The following ZNF213 variants were observed in gnomAD, a reference collection of about 807,000 sequenced individuals.
The protein encoded by ZNF213 is putative transcription factor CR53.
Under a neutral mutation model 46.0 loss-of-function variants are expected in ZNF213, and 32 were observed. The observed-to-expected ratio is 0.70, with a 90% CI of 0.52 to 0.93. The LOEUF (loss-of-function observed/expected upper bound fraction) is 0.93, where lower values mean the gene tolerates loss of function less well. ZNF213 is among the 40% of genes least tolerant of loss of function. The probability of loss-of-function intolerance (pLI) is 0.00; values close to 1 mark genes in which losing one functional copy is unlikely to be tolerated. For synonymous variants in ZNF213, 297 were observed against 271.0 expected, an observed-to-expected ratio of 1.10 and a Z score of -0.94; for missense variants, 639 against 652.8, an observed-to-expected ratio of 0.98 and a Z score of 0.23.
chr16:3,138,806 C>T lies in ZNF213; in HGVS notation c.585C>T (p.Val195=), dbSNP rs755016301. Residue 195 remains valine, a synonymous_variant, in exon 4 of 6, where the codon GTC becomes GTT. Coordinates refer to ENST00000396878, the MANE Select transcript of ZNF213 (RefSeq NM_004220.3). ...GAGAGACGACGGACACCTGCTTTGT[C>T]TCTGGGGTCCATGTGAGTCACCAGT... ...RPGETTDTCF[V]SGVHGPVALG... The T allele has an allele frequency of 6.2e-7, 1 of 1,614,082 alleles. No individual in the cohort carries two copies. Among genetic ancestry groups the T allele is most frequent in the Non-Finnish European group, 8.5e-7 (1 of 1,179,984 alleles).
chr16:3,138,495 G>A lies in ZNF213; in HGVS notation c.477G>A (p.Gly159=). ...CCACGGGGCCTCCCCCGACGGTGGG[G>A]GCACGGAGGCGGCCGTCTGTTCCCC... is the stretch of plus-strand genomic sequence containing the variant. ...SQATGPPPTV[G]ARRRPSVPQE... Residue 159 remains glycine (G), a synonymous_variant, in exon 3 of 6, where the codon GGG becomes GGA. Coordinates refer to ENST00000396878, the MANE Select transcript of ZNF213 (RefSeq NM_004220.3). 1 of 1,613,656 alleles carries A rather than the reference G, an allele frequency of 6.2e-7. No individual in the cohort carries two copies. Among genetic ancestry groups the A allele is most frequent in the Non-Finnish European group, 8.5e-7 (1 of 1,179,838 alleles).
chr16:3,140,846 G>C lies in ZNF213; in HGVS notation c.879G>C (p.Val293=). The change falls in exon 6 of 6, where the codon GTG becomes GTC. Residue 293 remains valine (V), a synonymous_variant. Transcript: ENST00000396878. ...ENRPRAALGP[V]VGARRGRPPT... ...GGCCGAGGGCGGCCCTGGGCCCAGT[G>C]GTGGGCGCGCGACGGGGGCGGCCAC... 2 of 1,583,312 alleles carry C rather than the reference G, an allele frequency of 1.3e-6. No individual in the cohort carries two copies. Among genetic ancestry groups the C allele is most frequent in the East Asian group, 2.3e-5 (1 of 44,418 alleles).
chr16:3,141,515 C>T lies in ZNF213; in HGVS notation c.*168C>T, dbSNP rs562015229. 76 of 742,170 alleles carry T rather than the reference C, an allele frequency of 1.0e-4. No homozygotes were observed. The South Asian group carries it at 1.4e-3, about 14-fold the overall frequency. The allele number at this position is 742,170 out of a possible 1,614,324, so 46.0% of individuals were successfully genotyped here. On this transcript the variant is annotated 3_prime_UTR_variant, in exon 6 of 6. Transcript: ENST00000396878. Reference sequence around the variant, plus strand: ...GCCCTGCTTGGCTCTGAGGACCTGCCCAGCGCTCAAAGGGAACGGAAGCCT... The same window carrying T: ...GCCCTGCTTGGCTCTGAGGACCTGCTCAGCGCTCAAAGGGAACGGAAGCCT...
rs1957552814 is a variant in ZNF213, at chr16:3,137,453, G to T, written c.173G>T (p.Gly58Val). Reference sequence around the variant, plus strand: ...CAATTCTGCTACGGGGATGTGCATGGGCCTCATGAGGCCTTCAGCCAGCTC... The same window carrying T: ...CAATTCTGCTACGGGGATGTGCATGTGCCTCATGAGGCCTTCAGCCAGCTC... ...FRQFCYGDVH[G>V]PHEAFSQLWE... Residue 58 changes from glycine (G) to valine (V), a missense_variant, in exon 2 of 6, where the codon GGG becomes GTG. By Grantham distance (109) the Gly-to-Val change is moderately radical. Coordinates refer to ENST00000396878, the MANE Select transcript of ZNF213 (RefSeq NM_004220.3). 6.2e-7 allele frequency: 1 copy of T among 1,613,830 alleles called. No homozygotes were observed. The highest frequency in any genetic ancestry group is 1.7e-5 in the Admixed American group (1 of 60,014).
At chr16:3,139,260 G>C in intron 5 of ZNF213, 162 bp downstream of exon 5, 1 of 1,130,944 alleles carries the variant, frequency 8.8e-7, no homozygotes, top group South Asian at 1.6e-5. Flanking sequence ...CAGTTTTTGT[G>C]CGTTTCCACA....
rs1957599961 is a variant in ZNF213 at position 3,141,205 on chromosome 16, G to A, written c.1238G>A (p.Arg413His). The A allele has an allele frequency of 1.2e-6, 2 of 1,612,512 alleles. No homozygotes were observed. Among genetic ancestry groups the A allele is most frequent in the Non-Finnish European group, 1.7e-6 (2 of 1,179,926 alleles). ...CSDCGKSFSLRSYLLDHRRVH... is the reference protein window; with the variant it reads ...CSDCGKSFSLHSYLLDHRRVH... ...GACTGCGGCAAGAGCTTCTCGCTGC[G>A]CTCCTACCTGCTGGACCATCGGCGT... The change falls in exon 6 of 6, where the codon CGC becomes CAC. Residue 413 changes from arginine (R) to histidine (H), a missense_variant. Physicochemically the swap from Arg to His is conservative, Grantham distance 29. Transcript: ENST00000396878.
rs373253903 is a variant in ZNF213, at chr16:3,138,656, C to T, written c.524-89C>T. On this transcript the variant is annotated intron_variant, in intron 3 of 5. Transcript: ENST00000396878. Reference sequence around the variant, plus strand: ...ACAGCTCCCTCTGTGAAGTCCAGGGCGTGTGTGCATGCGCACAGGCTGGGG... The same window carrying T: ...ACAGCTCCCTCTGTGAAGTCCAGGGTGTGTGTGCATGCGCACAGGCTGGGG... 129 of 1,608,596 alleles carry T rather than the reference C, an allele frequency of 8.0e-5. No individual in the cohort carries two copies. The East Asian group carries it at 1.0e-3, about 13-fold the overall frequency.
intron 2 of ZNF213, chr16:3,138,080 C>T: frequency 2.2e-6 from 1 of 462,472 alleles, no homozygotes. Flanking sequence ...GATGTTGGGT[C>T]CTTCACATTG....
intron 2 of ZNF213, chr16:3,138,019 C>G: frequency 2.2e-6 from 1 of 464,366 alleles, no homozygotes; most frequent in South Asian, 2.3e-5. Context: ...AGAGCCAGCT[C>G]CAGAGTGGGG....
intron 3 of ZNF213, 49 bp from the exon 4 acceptor site, chr16:3,138,696 G>T: frequency 5.6e-6 from 9 of 1,612,352 alleles, no homozygotes; most frequent in Non-Finnish European, 7.6e-6. Flanking sequence ...CATAGGCGTC[G>T]GTGTCAAGCC....
rs200257137 is a variant in ZNF213 at position 3,140,953 on chromosome 16, G to C, written c.986G>C (p.Gly329Ala). The change falls in exon 6 of 6, where the codon GGC becomes GCC. Residue 329 changes from glycine (G) to alanine (A), a missense_variant. Coordinates refer to ENST00000396878, the MANE Select transcript of ZNF213 (RefSeq NM_004220.3). ...CAGTGTGGAAAGCGCTTCCGCTGGG[G>C]CTCGGACCTGGCGCGGCACCAGCGC... ...CGQCGKRFRWGSDLARHQRTH... is the reference protein window; with the variant it reads ...CGQCGKRFRWASDLARHQRTH... 1 of 1,603,672 alleles carries C rather than the reference G, an allele frequency of 6.2e-7. No individual in the cohort carries two copies. Among genetic ancestry groups the C allele is most frequent in the Admixed American group, 1.7e-5 (1 of 59,248 alleles).
chr16:3,138,180 T>C (rs906066748), intron 2 of ZNF213: 25 of 719,604 alleles, frequency 3.5e-5, no homozygotes, highest in Non-Finnish European at 4.7e-5. Context: ...GCTAAGTGGC[T>C]GTGATTCTGG....
In ZNF213 at chr16:3,141,539, C is replaced by T. The variant is rs1957604446; in HGVS notation, c.*192C>T. The T allele has an allele frequency of 1.7e-6, 1 of 595,610 alleles. No individual in the cohort carries two copies. Among genetic ancestry groups the T allele is most frequent in the Admixed American group, 3.5e-5 (1 of 28,626 alleles). 36.9% of individuals were successfully genotyped at this position (595,610 alleles called of 1,614,324 possible). On this transcript the variant is annotated 3_prime_UTR_variant, in exon 6 of 6. Transcript: ENST00000396878. Reference sequence around the variant, plus strand: ...CCCAGCGCTCAAAGGGAACGGAAGCCTTCCCCTCCCGCCCCCGATCTTGTC... The same window carrying T: ...CCCAGCGCTCAAAGGGAACGGAAGCTTTCCCCTCCCGCCCCCGATCTTGTC...
chr16:3,137,697 A>G lies in ZNF213; in HGVS notation c.399+18A>G. 6.2e-7 allele frequency: 1 copy of G among 1,610,870 alleles called. No homozygotes were observed. Among genetic ancestry groups the G allele is most frequent in the African/African-American group, 1.3e-5 (1 of 75,026 alleles). ...GGCGACAGGTGAGGGGCCCTTCCAC[A>G]TCCAGGGGCACCTGGATGGTATCTG... On this transcript the variant is annotated intron_variant, in intron 2 of 5. Transcript: ENST00000396878.
Position 3,141,281 on chromosome 16 carries a change from C to T in ZNF213, c.1314C>T (p.Phe438=). ...PFGCGECDKS[F]KQRAHLIAHQ... is the part of the protein sequence containing the mutation. Reference sequence around the variant, plus strand: ...GCTGCGGAGAGTGCGACAAGAGCTTCAAGCAGCGCGCGCACCTCATCGCGC... The same window carrying T: ...GCTGCGGAGAGTGCGACAAGAGCTTTAAGCAGCGCGCGCACCTCATCGCGC... The change falls in exon 6 of 6, where the codon TTC becomes TTT. Residue 438 remains phenylalanine (F), a synonymous_variant. Transcript: ENST00000396878. The T allele has an allele frequency of 6.2e-7, 1 of 1,611,100 alleles. No homozygotes were observed.
In ZNF213 at chr16:3,138,245, C is replaced by G. The variant is rs961291398; in HGVS notation, c.400-173C>G. ...TGATCGGGGAGCATCCTTGGGCACACAGCATTACCTGGTATCACATTCTCC... is the reference window on the plus strand; with the variant it reads ...TGATCGGGGAGCATCCTTGGGCACAGAGCATTACCTGGTATCACATTCTCC... On this transcript the variant is annotated intron_variant, in intron 2 of 5. Coordinates refer to ENST00000396878, the MANE Select transcript of ZNF213 (RefSeq NM_004220.3). The G allele has an allele frequency of 6.2e-6, 8 of 1,288,834 alleles. No individual in the cohort carries two copies. In the African/African-American group the frequency reaches 9.0e-5, roughly 14 times the overall value. The allele number at this position is 1,288,834 out of a possible 1,614,324, so 79.8% of individuals were successfully genotyped here.
rs779418885 is a variant in ZNF213 at position 3,140,831 on chromosome 16, G to T, written c.864G>T (p.Ala288=). The change falls in exon 6 of 6, where the codon GCG becomes GCT. Residue 288 remains alanine (A), a synonymous_variant. Coordinates refer to ENST00000396878, the MANE Select transcript of ZNF213 (RefSeq NM_004220.3). ...EAWESENRPR[A]ALGPVVGARR... is the part of the protein sequence containing the mutation. ...GGGAGAGCGAGAACCGGCCGAGGGC[G>T]GCCCTGGGCCCAGTGGTGGGCGCGC... 6.3e-7 allele frequency: 1 copy of T among 1,585,492 alleles called. No individual in the cohort carries two copies. Among genetic ancestry groups the T allele is most frequent in the Non-Finnish European group, 8.5e-7 (1 of 1,170,210 alleles).
Position 3,140,459 on chromosome 16 carries a change from G to T in ZNF213, c.722-230G>T, listed in dbSNP as rs528272609. ...GCTGGTCTCGAACTCCTAACCTCAG[G>T]TGATCAGCTCGCCTCAGCCTCCCAA... On this transcript the variant is annotated intron_variant, in intron 5 of 5. Coordinates refer to ENST00000396878, the MANE Select transcript of ZNF213 (RefSeq NM_004220.3). The T allele has an allele frequency of 2.3e-4, 119 of 508,516 alleles. 1 individual carries two copies. The highest frequency in any genetic ancestry group is 1.4e-3 in the Admixed American group (32 of 23,056). The allele number at this position is 508,516 out of a possible 1,614,324, so 31.5% of individuals were successfully genotyped here.
rs769246205 is a variant in ZNF213, at chr16:3,138,944, G to T, written c.598-31G>T. The T allele has an allele frequency of 6.2e-6, 10 of 1,613,946 alleles. No homozygotes were observed. In the South Asian group the frequency reaches 8.8e-5, roughly 14 times the overall value. The stretch of plus-strand genomic sequence containing the variant: ...CTGTCCCCGCCAGTGCTGCTGGGAG[G>T]CCTGAGCCGGGTCTTCTCACCCCAT... On this transcript the variant is annotated intron_variant, in intron 4 of 5. Transcript: ENST00000396878.
Sources: allele counts gnomAD v4.1 joint callset, GRCh38; gene constraint gnomAD v4.1.1; transcripts MANE v1.5; gene names NCBI Gene and HGNC (gene_info 2026-07-23, HGNC 2026-07-21).